FMN1: variants seen among roughly 807,000 people sequenced by gnomAD.
FMN1 encodes formin 1.
In FMN1, 110 loss-of-function variants were observed where a neutral mutation model predicts 132.4. That is an observed-to-expected ratio of 0.83 (90% CI 0.71 to 0.97). FMN1 has a LOEUF of 0.97. FMN1 is among the 50% of genes least tolerant of loss of function. FMN1 has a pLI of 0.00. For synonymous variants in FMN1, 722 were observed against 651.7 expected, an observed-to-expected ratio of 1.11 and a Z score of -1.64; for missense variants, 1,792 against 1,705.3, an observed-to-expected ratio of 1.05 and a Z score of -0.90.
intron 2 of FMN1, among the ~76,000 whole-genome samples, chr15:33,181,692 TTTTCTTTTTTC>T (rs1965706591): frequency 6.6e-6 from 1 of 150,544 alleles, no homozygotes; most frequent in South Asian, 2.1e-4. Context: ...TATTCTTTTC[TTTTCTTTTTTC>T]TTTCTTTTTT....
chr15:32,996,891 G>GA (rs1167804533), intron 7 of FMN1, among the ~76,000 whole-genome samples: 1 of 152,086 alleles, frequency 6.6e-6, no homozygotes, highest in East Asian at 1.9e-4. Context: ...GCCTGTTAAG[G>GA]AATCAGCAGT....
intron 19 of FMN1, among the ~76,000 whole-genome samples, chr15:32,785,323 T>C (rs1265128879): frequency 6.7e-6 from 1 of 148,308 alleles, no homozygotes; most frequent in Non-Finnish European, 1.5e-5. Flanking sequence ...TCCCAAAGTA[T>C]TAGGATTACA....
chr15:32,929,906 A>G (rs1188009166), intron 9 of FMN1, among the ~76,000 whole-genome samples: 4 of 151,964 alleles, frequency 2.6e-5, no homozygotes, highest in Admixed American at 1.3e-4. Context: ...TATCTTTTCA[A>G]TACAGTGACT....
At chr15:33,140,018 A>T (rs1479480644) in intron 4 of FMN1, among the ~76,000 whole-genome samples, 1 of 152,180 alleles carries the variant, frequency 6.6e-6, no homozygotes, top group Non-Finnish European at 1.5e-5. Context: ...TTTATTTTTT[A>T]AAATATATTA....
intron 17 of FMN1, among the ~76,000 whole-genome samples, chr15:32,823,302 C>A (rs1384416468): frequency 6.6e-6 from 1 of 151,864 alleles, no homozygotes; most frequent in East Asian, 1.9e-4. Flanking sequence ...GCTGGGACTA[C>A]AGGCACCCAC....
intron 3 of FMN1, among the ~76,000 whole-genome samples, chr15:33,167,321 A>G (rs1965148514): frequency 6.6e-6 from 1 of 152,232 alleles, no homozygotes. Flanking sequence ...GCCTGCTACC[A>G]TGTAAGATGT....
chr15:32,902,164 T>C, intron 12 of FMN1, 124 bp from the exon 13 acceptor site: 2 of 805,732 alleles, frequency 2.5e-6, no homozygotes, highest in Non-Finnish European at 3.8e-6. Context: ...ATAAAAGGTG[T>C]CACATAGGTA....
chr15:33,099,779 T>C (rs2039224276), intron 4 of FMN1, among the ~76,000 whole-genome samples: 2 of 152,204 alleles, frequency 1.3e-5, no homozygotes, highest in African/African-American at 4.8e-5. Flanking sequence ...CATCTAGTTT[T>C]CTCACTAAAC....
chr15:32,995,363 T>C (rs2033702116), intron 7 of FMN1, among the ~76,000 whole-genome samples: 1 of 152,160 alleles, frequency 6.6e-6, no homozygotes, highest in Non-Finnish European at 1.5e-5. Context: ...AATTTTAAAA[T>C]GTTAACACTC....
chr15:32,956,070 T>A lies in FMN1; in HGVS notation c.3138+8037A>T, dbSNP rs140309660. Among the ~76,000 whole-genome samples the A allele has an allele frequency of 2.6e-3, 391 of 152,328 alleles. 1 individual carries two copies. Among genetic ancestry groups the A allele is most frequent in the East Asian group, 0.01 (52 of 5,182 alleles). ...GGCCTCATGGTCCACAATAGAGATA[T>A]GAGAAGACTAAAGAGAGAGCTGGGG... On this transcript the variant is annotated intron_variant, in intron 9 of 20. Transcript: ENST00000616417.
At chr15:32,793,400 C>T (rs1419689828) in intron 19 of FMN1, among the ~76,000 whole-genome samples, 1 of 152,082 alleles carries the variant, frequency 6.6e-6, no homozygotes, top group East Asian at 1.9e-4. Flanking sequence ...CTGCCTCAGC[C>T]TCCCGAGTAG....
chr15:32,832,545 C>T lies in FMN1; in HGVS notation c.3928+24470G>A, dbSNP rs183048218. On this transcript the variant is annotated intron_variant, in intron 17 of 20. Transcript: ENST00000616417. Reference sequence around the variant, plus strand: ...CTGTAATCCCAGCACTTTGGGAGGCCGAGGCGGGCAGATCATGAAGTCAGG... The same window carrying T: ...CTGTAATCCCAGCACTTTGGGAGGCTGAGGCGGGCAGATCATGAAGTCAGG... 2.4e-3 allele frequency among the ~76,000 whole-genome samples: 362 copies of T among 152,046 alleles called. 2 individuals carry two copies. The highest frequency in any genetic ancestry group is 8.5e-3 in the African/African-American group (354 of 41,450).
chr15:33,152,908 G>T, intron 4 of FMN1, 140 bp downstream of exon 4: 1 of 838,882 alleles, frequency 1.2e-6, no homozygotes. Context: ...TCCACTCCCC[G>T]TTTTCTTGCT....
At chr15:33,159,395 C>T (rs1052396546) in intron 3 of FMN1, among the ~76,000 whole-genome samples, 1 of 151,924 alleles carries the variant, frequency 6.6e-6, no homozygotes, top group Non-Finnish European at 1.5e-5. Context: ...TTTGATGTAT[C>T]GGGGAATAAT....
intron 4 of FMN1, among the ~76,000 whole-genome samples, chr15:33,124,513 T>G (rs1314660424): frequency 6.8e-6 from 1 of 146,688 alleles, no homozygotes; most frequent in South Asian, 2.3e-4. Flanking sequence ...GGGATTGCTT[T>G]AAAGCTCTCC....
intron 4 of FMN1, among the ~76,000 whole-genome samples, chr15:33,093,973 T>C (rs1173538258): frequency 2.0e-5 from 3 of 152,200 alleles, no homozygotes; most frequent in African/African-American, 7.2e-5. Flanking sequence ...CCCATGAAGA[T>C]TGCAGTATTT....
intron 4 of FMN1, among the ~76,000 whole-genome samples, chr15:33,114,436 A>G (rs558451403): frequency 1.7e-4 from 26 of 152,390 alleles, no homozygotes; most frequent in Admixed American, 6.5e-4. Context: ...AAGAATCTGC[A>G]TAAGTGTTGA....
intron 5 of FMN1, among the ~76,000 whole-genome samples, chr15:33,083,653 A>G (rs544143118): frequency 3.3e-4 from 51 of 152,282 alleles, no homozygotes; most frequent in Non-Finnish European, 2.8e-4. Context: ...ATCCTTTGTA[A>G]TAAATTGGTA....
At chr15:33,128,920 T>TATTGGTCCGTTTTACAGAGTGCTG (rs1566942833) in intron 4 of FMN1, among the ~76,000 whole-genome samples, 22 of 120,482 alleles carry the variant, frequency 1.8e-4, no homozygotes, top group African/African-American at 8.6e-4. Context: ...ATGCCCTGCT[T>TATTGGTCCGTTTTACAGAGTGCTG]ATTGGTCCAT....
Sources: gnomAD v4.1 joint callset for allele counts (sites outside exome capture counted in the v4.1 genomes callset) on GRCh38, gnomAD v4.1.1 for gene constraint, MANE v1.5 for transcripts, NCBI Gene and HGNC (gene_info 2026-07-23, HGNC 2026-07-21) for gene names.